The following FRMD5 variants were observed in gnomAD, a reference collection of about 807,000 sequenced individuals.
The protein encoded by FRMD5 is FERM domain-containing protein 5.
In FRMD5, 20 loss-of-function variants were observed where a neutral mutation model predicts 69.0. The ratio of observed to expected loss-of-function variants is 0.29; its 90% CI spans 0.20 to 0.42. The LOEUF (loss-of-function observed/expected upper bound fraction) is 0.42, where lower values mean the gene tolerates loss of function less well. Among genes scored for constraint, FRMD5 ranks in the 10% least tolerant of loss-of-function variants. The pLI is 1.00. For synonymous variants in FRMD5, 271 were observed against 260.1 expected, an observed-to-expected ratio of 1.04 and a Z score of -0.40; for missense variants, 595 against 708.6, an observed-to-expected ratio of 0.84 and a Z score of 1.82.
intron 1 of FRMD5, among the ~76,000 whole-genome samples, chr15:44,025,252 AT>A (rs1408955244): frequency 7.2e-5 from 11 of 152,202 alleles, no homozygotes; most frequent in Non-Finnish European, 2.9e-5. Context: ...GAAAAAAATA[AT>A]TAAATGCTAT....
At chr15:43,965,048 C>T (rs2090270322) in intron 1 of FRMD5, among the ~76,000 whole-genome samples, 1 of 152,110 alleles carries the variant, frequency 6.6e-6, no homozygotes, top group African/African-American at 2.4e-5. Flanking sequence ...GGGAACTCAC[C>T]TAGTATGGAA....
intron 1 of FRMD5, among the ~76,000 whole-genome samples, chr15:44,105,230 C>T (rs566448558): frequency 6.6e-6 from 1 of 152,046 alleles, no homozygotes; most frequent in Non-Finnish European, 1.5e-5. Context: ...GCGCGCAACA[C>T]CTCGCCCAGC....
intron 1 of FRMD5, among the ~76,000 whole-genome samples, chr15:44,008,352 C>T (rs1452895410): frequency 6.6e-6 from 1 of 152,008 alleles, no homozygotes; most frequent in Non-Finnish European, 1.5e-5. Flanking sequence ...CAATCTCTGC[C>T]TCCTGGGTTC....
intron 1 of FRMD5, among the ~76,000 whole-genome samples, chr15:44,161,908 CCTT>C (rs538342862): frequency 6.6e-6 from 1 of 152,112 alleles, no homozygotes; most frequent in Non-Finnish European, 1.5e-5. Flanking sequence ...TTCTGTCATC[CCTT>C]CTTGGGATTT....
chr15:43,881,404 G>A (rs529901622), intron 13 of FRMD5, among the ~76,000 whole-genome samples: 1 of 152,206 alleles, frequency 6.6e-6, no homozygotes, highest in Non-Finnish European at 1.5e-5. Context: ...CCTAAGATGG[G>A]AGGAAACACC....
chr15:44,026,624 G>C (rs1261809802), intron 1 of FRMD5, among the ~76,000 whole-genome samples: 2 of 152,082 alleles, frequency 1.3e-5, no homozygotes, highest in African/African-American at 4.8e-5. Flanking sequence ...CCGAAGTTAG[G>C]ACTATTATTT....
intron 1 of FRMD5, among the ~76,000 whole-genome samples, chr15:43,973,417 G>A (rs953061282): frequency 6.6e-6 from 1 of 150,992 alleles, no homozygotes; most frequent in African/African-American, 2.4e-5. Flanking sequence ...ACAGGCTGGA[G>A]TGCAATGGCA....
intron 7 of FRMD5, among the ~76,000 whole-genome samples, chr15:43,893,137 A>C (rs888042585): frequency 6.6e-6 from 1 of 152,080 alleles, no homozygotes; most frequent in Non-Finnish European, 1.5e-5. Context: ...ACAAAAAAAA[A>C]AAAAAACATT....
intron 1 of FRMD5, among the ~76,000 whole-genome samples, chr15:44,085,256 T>C (rs866423156): frequency 3.9e-5 from 6 of 152,262 alleles, no homozygotes; most frequent in African/African-American, 4.8e-5. Context: ...AACTCACTTC[T>C]AGCCCTAACT....
chr15:43,886,227 G>A (rs1044508621), intron 10 of FRMD5, among the ~76,000 whole-genome samples: 1 of 152,082 alleles, frequency 6.6e-6, no homozygotes, highest in African/African-American at 2.4e-5. Context: ...ATTTGATTTT[G>A]TGTCTATGTC....
chr15:44,070,535 A>G (rs992802899), intron 1 of FRMD5, among the ~76,000 whole-genome samples: 1 of 152,162 alleles, frequency 6.6e-6, no homozygotes, highest in African/African-American at 2.4e-5. Context: ...ATCTCACCTC[A>G]CCAATACTGT....
At chr15:44,005,664 C>T (rs941491959) in intron 1 of FRMD5, among the ~76,000 whole-genome samples, 3 of 151,896 alleles carry the variant, frequency 2.0e-5, no homozygotes, top group Admixed American at 1.3e-4. Context: ...ATGGCCGGAG[C>T]ACGAGGAAAA....
chr15:44,173,155 C>T (rs1041868911), intron 1 of FRMD5, among the ~76,000 whole-genome samples: 4 of 152,044 alleles, frequency 2.6e-5, no homozygotes, highest in Admixed American at 1.3e-4. Context: ...AGGTTTCAAA[C>T]ACATCTAAAG....
intron 1 of FRMD5, among the ~76,000 whole-genome samples, chr15:43,966,749 G>A (rs573736488): frequency 6.6e-6 from 1 of 152,310 alleles, no homozygotes; most frequent in South Asian, 2.1e-4. Context: ...TGGAAAGGCA[G>A]GTTAGAGACC....
intron 1 of FRMD5, among the ~76,000 whole-genome samples, chr15:44,104,448 T>C (rs1322235043): frequency 1.3e-5 from 2 of 152,216 alleles, no homozygotes. Flanking sequence ...GAGACCTTCA[T>C]ATTCATTCAC....
At chr15:44,086,693 T>C (rs577672163) in intron 1 of FRMD5, among the ~76,000 whole-genome samples, 2 of 152,316 alleles carry the variant, frequency 1.3e-5, no homozygotes, top group East Asian at 3.9e-4. Context: ...AATGGTTACA[T>C]TGGTAAATTT....
intron 1 of FRMD5, among the ~76,000 whole-genome samples, chr15:44,140,644 C>T (rs373794520): frequency 7.9e-5 from 12 of 151,754 alleles, no homozygotes; most frequent in East Asian, 7.7e-4. Context: ...TTTAGGAGGC[C>T]GAGGCAGGTG....
chr15:44,050,370 T>C (rs1892606122), intron 1 of FRMD5, among the ~76,000 whole-genome samples: 1 of 152,120 alleles, frequency 6.6e-6, no homozygotes, highest in South Asian at 2.1e-4. Context: ...CTTTTTCTTT[T>C]TTCTTTTGAG....
At chr15:44,007,596 T>C (rs1161513457) in intron 1 of FRMD5, among the ~76,000 whole-genome samples, 20 of 151,752 alleles carry the variant, frequency 1.3e-4, no homozygotes, top group Non-Finnish European at 1.5e-5. Flanking sequence ...TCTTTTAATT[T>C]TTTGAATTTT....
Sources: gnomAD v4.1 joint callset for allele counts (sites outside exome capture counted in the v4.1 genomes callset) on GRCh38, gnomAD v4.1.1 for gene constraint, MANE v1.5 for transcripts, NCBI Gene and HGNC (gene_info 2026-07-23, HGNC 2026-07-21) for gene names.